Variants in TCF7L2 observed in about 807,000 individuals in gnomAD.
TCF7L2 encodes the protein transcription factor 7 like 2, also known as transcription factor 7-like 2.
TCF7L2 carries 23 observed loss-of-function variants against 77.9 expected under a neutral mutation model. The ratio of observed to expected loss-of-function variants is 0.30; its 90% CI spans 0.21 to 0.42. The LOEUF is 0.42. Ranked by LOEUF, TCF7L2 falls within the 10% of genes least tolerant of loss-of-function variation. The probability of loss-of-function intolerance (pLI) is 1.00; values close to 1 mark genes in which losing one functional copy is unlikely to be tolerated. For synonymous variants in TCF7L2, 413 were observed against 340.2 expected, an observed-to-expected ratio of 1.21 and a Z score of -2.36; for missense variants, 654 against 793.1, an observed-to-expected ratio of 0.82 and a Z score of 2.11.
intron 4 of TCF7L2, among the ~76,000 whole-genome samples, chr10:113,023,050 G>T (rs1322089295): frequency 6.6e-6 from 1 of 152,194 alleles, no homozygotes; most frequent in African/African-American, 2.4e-5. Flanking sequence ...GTAGTCCAAA[G>T]GGAAAGGAGC....
chr10:113,154,351 C>T (rs2071397105), intron 11 of TCF7L2, among the ~76,000 whole-genome samples: 1 of 152,198 alleles, frequency 6.6e-6, no homozygotes, highest in Non-Finnish European at 1.5e-5. Context: ...TCTTGAGCTT[C>T]TACCTGCTAC....
chr10:113,114,497 G>A (rs2063496858), intron 5 of TCF7L2, among the ~76,000 whole-genome samples: 1 of 152,180 alleles, frequency 6.6e-6, no homozygotes, highest in Non-Finnish European at 1.5e-5. Context: ...AGAAGTCAGG[G>A]CATTAGCAGG....
chr10:113,014,195 G>A (rs1003692202), intron 4 of TCF7L2, among the ~76,000 whole-genome samples: 5 of 152,152 alleles, frequency 3.3e-5, no homozygotes, highest in African/African-American at 1.2e-4. Flanking sequence ...AAACAGTGAT[G>A]GTTAAAATTC....
intron 4 of TCF7L2, among the ~76,000 whole-genome samples, chr10:113,031,425 G>A (rs1012263592): frequency 1.3e-5 from 2 of 151,378 alleles, no homozygotes; most frequent in Non-Finnish European, 2.9e-5. Context: ...GATCTGGAGT[G>A]CATCAGGAAA....
chr10:113,056,672 G>T (rs904548673), intron 5 of TCF7L2, among the ~76,000 whole-genome samples: 1 of 152,132 alleles, frequency 6.6e-6, no homozygotes, highest in Non-Finnish European at 1.5e-5. Context: ...CATTTATTTC[G>T]AGTACACTGA....
chr10:113,040,599 C>A (rs577493747), intron 5 of TCF7L2, among the ~76,000 whole-genome samples: 1 of 152,314 alleles, frequency 6.6e-6, no homozygotes, highest in South Asian at 2.1e-4. Context: ...AGAAAAATTT[C>A]ATCTGGGCTG....
chr10:113,070,049 A>T (rs1250829328), intron 5 of TCF7L2, among the ~76,000 whole-genome samples: 1 of 151,944 alleles, frequency 6.6e-6, no homozygotes, highest in African/African-American at 2.4e-5. Context: ...TGAGGTCAGG[A>T]GATCAAGACC....
At chr10:112,963,892 G>A (rs780849760) in intron 3 of TCF7L2, among the ~76,000 whole-genome samples, 7 of 152,252 alleles carry the variant, frequency 4.6e-5, no homozygotes, top group East Asian at 1.9e-4. Flanking sequence ...GAAAATTGGC[G>A]GCTTTCTGGC....
intron 5 of TCF7L2, among the ~76,000 whole-genome samples, chr10:113,136,799 T>C (rs1324659334): frequency 6.6e-6 from 1 of 152,236 alleles, no homozygotes; most frequent in African/African-American, 2.4e-5. Flanking sequence ...AGGTTGTCTA[T>C]GTTGCAACCA....
At chr10:113,112,393 C>T (rs1397775647) in intron 5 of TCF7L2, among the ~76,000 whole-genome samples, 1 of 152,212 alleles carries the variant, frequency 6.6e-6, no homozygotes, top group African/African-American at 2.4e-5. Context: ...CCCTGGCATG[C>T]AGCACCAATC....
At chr10:113,032,149 G>C (rs769824875) in intron 4 of TCF7L2, among the ~76,000 whole-genome samples, 16 of 152,220 alleles carry the variant, frequency 1.1e-4, no homozygotes, top group Non-Finnish European at 2.2e-4. Flanking sequence ...CGACTTTTGG[G>C]AGAGGGTGGA....
At chr10:113,098,286 G>T (rs756531463) in intron 5 of TCF7L2, among the ~76,000 whole-genome samples, 5 of 152,056 alleles carry the variant, frequency 3.3e-5, no homozygotes, top group Non-Finnish European at 7.4e-5. Flanking sequence ...GGGGCTTTCC[G>T]CACTGGGATC....
intron 5 of TCF7L2, among the ~76,000 whole-genome samples, chr10:113,051,880 T>C (rs573278745): frequency 6.6e-6 from 1 of 152,348 alleles, no homozygotes; most frequent in South Asian, 2.1e-4. Flanking sequence ...AATCCTTAGA[T>C]AATTAATAGT....
chr10:113,097,198 G>A (rs962673071), intron 5 of TCF7L2, among the ~76,000 whole-genome samples: 3 of 152,164 alleles, frequency 2.0e-5, no homozygotes, highest in Non-Finnish European at 2.9e-5. Flanking sequence ...CTTGTGGTTC[G>A]CCAGGGGCCA....
intron 4 of TCF7L2, among the ~76,000 whole-genome samples, chr10:113,027,480 A>G (rs2049391678): frequency 6.6e-6 from 1 of 152,138 alleles, no homozygotes; most frequent in African/African-American, 2.4e-5. Flanking sequence ...TGATGATAAT[A>G]TCCATTGTTC....
chr10:113,060,488 G>A (rs2134861201), intron 5 of TCF7L2, among the ~76,000 whole-genome samples: 1 of 152,254 alleles, frequency 6.6e-6, no homozygotes, highest in East Asian at 1.9e-4. Flanking sequence ...GGTCAGGGGA[G>A]AGGTTTCTGT....
At chr10:113,002,785 G>A (rs998911027) in intron 4 of TCF7L2, among the ~76,000 whole-genome samples, 10 of 152,064 alleles carry the variant, frequency 6.6e-5, no homozygotes, top group Admixed American at 2.6e-4. Context: ...AAAAAAATGC[G>A]GATATGAAAG....
chr10:113,163,068 C>G (rs147996919), intron 13 of TCF7L2, among the ~76,000 whole-genome samples: 1 of 151,950 alleles, frequency 6.6e-6, no homozygotes, highest in African/African-American at 2.4e-5. Flanking sequence ...TTTTCTGACT[C>G]GTCAGAAATG....
intron 4 of TCF7L2, among the ~76,000 whole-genome samples, chr10:112,977,378 T>C (rs1362525096): frequency 7.9e-5 from 12 of 152,184 alleles, no homozygotes; most frequent in Non-Finnish European, 2.9e-5. Context: ...TTGTTGATGA[T>C]TGAAATTGAA....
Sources: allele counts gnomAD v4.1 joint callset (sites outside exome capture counted in the v4.1 genomes callset), GRCh38; gene constraint gnomAD v4.1.1; transcripts MANE v1.5; gene names NCBI Gene and HGNC (gene_info 2026-07-23, HGNC 2026-07-21).